GFI1B: variants seen among roughly 807,000 people sequenced by gnomAD.
The protein encoded by GFI1B is growth factor independent 1B transcriptional repressor, also known as zinc finger protein Gfi-1b.
A neutral mutation model predicts 35.3 loss-of-function variants in GFI1B; 20 were observed. The observed-to-expected ratio is 0.57, with a 90% CI of 0.40 to 0.82. GFI1B has a LOEUF of 0.82. GFI1B is among the 40% of genes least tolerant of loss of function. The pLI, the probability that GFI1B is intolerant of heterozygous loss-of-function variation, is 0.00. For missense variants in GFI1B, 430 were observed against 446.3 expected, an observed-to-expected ratio of 0.96 and a Z score of 0.33; for synonymous variants, 178 against 177.6, an observed-to-expected ratio of 1.00 and a Z score of -0.02.
chr9:132,951,831 G>A (rs1848207565), intron 1 of GFI1B: 1 of 152,192 alleles, frequency 6.6e-6, no homozygotes, highest in Admixed American at 6.5e-5. Flanking sequence ...ACAGTGGCCT[G>A]ATCATAGCTC....
At chr9:132,959,401 G>T (rs1848332642) in intron 1 of GFI1B, among the ~76,000 whole-genome samples, 1 of 152,180 alleles carries the variant, frequency 6.6e-6, no homozygotes, top group Admixed American at 6.5e-5. Context: ...GAGGAACTGT[G>T]AGTCAATTAA....
chr9:132,979,361 T>C (rs1023529025), intron 1 of GFI1B, among the ~76,000 whole-genome samples: 2 of 146,036 alleles, frequency 1.4e-5, no homozygotes, highest in South Asian at 4.5e-4. Flanking sequence ...TGCCTCAGCC[T>C]CCCAAGTAGC....
rs376493305 is a variant in GFI1B at position 132,965,975 on chromosome 9, C to T, written c.-700-6750C>T. ...ATGTAACAAACCTGCATTTCCTACA[C>T]ATGTATCCTGGAACTTAAAATTAAA... On this transcript the variant is annotated intron_variant, in intron 1 of 10. Transcript: ENST00000339463. 2.6e-5 allele frequency among the ~76,000 whole-genome samples: 4 copies of T among 152,308 alleles called. 1 individual carries two copies.
At chr9:132,992,579 G>T (rs552699733), downstream of GFI1B, among the ~76,000 whole-genome samples, 23 of 152,248 alleles carry the variant, frequency 1.5e-4, 1 homozygote, top group South Asian at 1.0e-3. Context: ...CCAGCACGTA[G>T]TAAGTGCTGC....
chr9:132,986,191 T>C (rs1200327132), intron 1 of GFI1B, among the ~76,000 whole-genome samples: 1 of 152,186 alleles, frequency 6.6e-6, no homozygotes, highest in Non-Finnish European at 1.5e-5. Flanking sequence ...GGGTTCTTTC[T>C]GCAGACGCCA....
upstream of GFI1B, among the ~76,000 whole-genome samples, chr9:132,978,239 G>GA (rs1848691607): frequency 2.0e-5 from 3 of 150,242 alleles, no homozygotes; most frequent in African/African-American, 7.4e-5. Flanking sequence ...GGAAAATAAG[G>GA]AAGGGAAGGA....
At chr9:132,974,794 G>A (rs1848597119), upstream of GFI1B, among the ~76,000 whole-genome samples, 1 of 142,754 alleles carries the variant, frequency 7.0e-6, no homozygotes, top group African/African-American at 2.4e-5. Context: ...AAGGAGACAG[G>A]CTTGGGGAAA....
intron 1 of GFI1B, among the ~76,000 whole-genome samples, chr9:132,963,355 T>A (rs12376197): frequency 0.081 from 12,332 of 151,966 alleles, 540 homozygotes; most frequent in Non-Finnish European, 0.096. Flanking sequence ...TGGCACGCAC[T>A]TGTAGTCCCA....
rs766761822 is a variant in GFI1B, at chr9:132,979,959, C to T, written c.-21+1118C>T. On this transcript the variant is annotated intron_variant, in intron 1 of 6. Transcript: ENST00000372122. ...AGCTGCACCTGACCGCCTGGACGCG[C>T]CTGCATGTTTCTTAGTAGGCAACAG... 6.4e-4 allele frequency among the ~76,000 whole-genome samples: 97 copies of T among 152,294 alleles called. 1 individual carries two copies. Among genetic ancestry groups the T allele is most frequent in the Middle Eastern group, 6.8e-3 (2 of 294 alleles).
At position 132,991,150 on chromosome 9, in the gene GFI1B, C is replaced by A; in HGVS notation, c.*100C>A. 1 of 1,101,066 alleles carries A rather than the reference C, an allele frequency of 9.1e-7. No homozygotes were observed. The highest frequency in any genetic ancestry group is 1.4e-6 in the Non-Finnish European group (1 of 739,798). The allele number at this position is 1,101,066 out of a possible 1,614,324, so 68.2% of individuals were successfully genotyped here. A position where few individuals can be genotyped will look rare whatever the true frequency, so the allele number is the denominator to read the frequency against. ...AATCTCCAGTCTCCTGGAGGTGGGACTGGACAGGAGTCTACCAGCTTGTTT... is the reference window on the plus strand; with the variant it reads ...AATCTCCAGTCTCCTGGAGGTGGGAATGGACAGGAGTCTACCAGCTTGTTT... On this transcript the variant is annotated 3_prime_UTR_variant, in exon 7 of 7. Coordinates refer to ENST00000372122, the MANE Select transcript of GFI1B (RefSeq NM_001377304.1).
In GFI1B at chr9:132,989,328, G is replaced by A. The variant is rs1287785385; in HGVS notation, c.648+130G>A. 4 of 860,096 alleles carry A rather than the reference G, an allele frequency of 4.7e-6. No homozygotes were observed. The highest frequency in any genetic ancestry group is 7.6e-6 in the Non-Finnish European group (4 of 527,738). The allele number at this position is 860,096 out of a possible 1,614,324, so 53.3% of individuals were successfully genotyped here. ...GACACAGATTGGGAGGGGTCCCCTAGTACCCACCTCCCTGGGTCTGGGTCT... is the reference window on the plus strand; with the variant it reads ...GACACAGATTGGGAGGGGTCCCCTAATACCCACCTCCCTGGGTCTGGGTCT... On this transcript the variant is annotated intron_variant, in intron 5 of 6. Coordinates refer to ENST00000372122, the MANE Select transcript of GFI1B (RefSeq NM_001377304.1). This position sits in a 1 kb window ranked among gnomAD's most constrained non-coding sequence, Gnocchi z 6.2.
intron 1 of GFI1B, among the ~76,000 whole-genome samples, chr9:132,970,197 G>A (rs1382828849): frequency 6.6e-6 from 1 of 152,140 alleles, no homozygotes; most frequent in African/African-American, 2.4e-5. Flanking sequence ...GTTCCTTTGA[G>A]GTTTTGCTTC....
chr9:132,989,994 CTGGGGGCGGGG>C lies in GFI1B; in HGVS notation c.814+89_814+99del. 8.2e-7 allele frequency: 1 copy of C among 1,214,100 alleles called. No homozygotes were observed. The highest frequency in any genetic ancestry group is 2.4e-5 in the East Asian group (1 of 40,890). The allele number at this position is 1,214,100 out of a possible 1,614,324, so 75.2% of individuals were successfully genotyped here. A position where few individuals can be genotyped will look rare whatever the true frequency, so the allele number is the denominator to read the frequency against. On this transcript the variant is annotated intron_variant, in intron 6 of 6. Transcript: ENST00000372122. The surrounding 1 kb of genome is among the most constrained non-coding windows in gnomAD (Gnocchi z 6.2). ...TGCATCAGAGGCCCCCAGCGTGAGG[CTGGGGGCGGGG>C]TCTAGTTACAAAGTCAAAGGCCACT... is the stretch of plus-strand genomic sequence containing the variant.
At chr9:132,960,218 T>C (rs1189404936) in intron 1 of GFI1B, among the ~76,000 whole-genome samples, 1 of 152,158 alleles carries the variant, frequency 6.6e-6, no homozygotes, top group Non-Finnish European at 1.5e-5. Context: ...ATTTGATCAA[T>C]GGTGATGGAG....
chr9:132,955,627 C>T (rs1322322825), intron 1 of GFI1B, among the ~76,000 whole-genome samples: 1 of 152,150 alleles, frequency 6.6e-6, no homozygotes, highest in Non-Finnish European at 1.5e-5. Context: ...TCCATTGTCT[C>T]TTAATTGACA....
At chr9:132,974,583 CAG>C (rs1848592915), upstream of GFI1B, among the ~76,000 whole-genome samples, 1 of 110,966 alleles carries the variant, frequency 9.0e-6, no homozygotes, top group Admixed American at 1.4e-4. Flanking sequence ...GCCTAGGCGA[CAG>C]AGCCAGAATC....
intron 2 of GFI1B, 96 bp from the exon 3 acceptor site, chr9:132,987,186 G>A (rs1286135804): frequency 1.5e-6 from 2 of 1,327,120 alleles, no homozygotes; most frequent in East Asian, 2.5e-5. Flanking sequence ...CTGTCTCTCT[G>A]GGCCTCCTCC....
At chr9:132,982,363 C>A (rs1032805961) in intron 1 of GFI1B, among the ~76,000 whole-genome samples, 3 of 152,182 alleles carry the variant, frequency 2.0e-5, no homozygotes, top group Non-Finnish European at 4.4e-5. Context: ...AACAAAGGGG[C>A]CTCATTACAG....
At chr9:132,966,396 A>G (rs1238180350) in intron 1 of GFI1B, among the ~76,000 whole-genome samples, 1 of 152,152 alleles carries the variant, frequency 6.6e-6, no homozygotes, top group African/African-American at 2.4e-5. Flanking sequence ...AGAACAAGAA[A>G]AAAGAAGAAA....
Sources: gnomAD v4.1 joint callset for allele counts (sites outside exome capture counted in the v4.1 genomes callset) on GRCh38, gnomAD v4.1.1 for gene constraint, Gnocchi (gnomAD v3.1) non-coding constraint, MANE v1.5 for transcripts, NCBI Gene and HGNC (gene_info 2026-07-23, HGNC 2026-07-21) for gene names.